The following INPP4B variants were observed in gnomAD, a reference collection of about 807,000 sequenced individuals.
The protein encoded by INPP4B is inositol polyphosphate-4-phosphatase type II B, also known as inositol polyphosphate 4-phosphatase type II.
Under a neutral mutation model 122.5 loss-of-function variants are expected in INPP4B, and 55 were observed. That is an observed-to-expected ratio of 0.45 (90% confidence interval 0.36 to 0.56). The LOEUF (loss-of-function observed/expected upper bound fraction) is 0.56, where lower values mean the gene tolerates loss of function less well. INPP4B is among the 20% of genes least tolerant of loss of function. INPP4B has a pLI of 0.00. For synonymous variants in INPP4B, 403 were observed against 388.7 expected, an observed-to-expected ratio of 1.04 and a Z score of -0.43; for missense variants, 1,000 against 1,097.7, an observed-to-expected ratio of 0.91 and a Z score of 1.26.
intron 3 of INPP4B, among the ~76,000 whole-genome samples, chr4:142,433,025 G>T (rs7694301): frequency 0.019 from 2,864 of 152,092 alleles, 101 homozygotes; most frequent in African/African-American, 0.065. Flanking sequence ...AAACTAATTC[G>T]CTAAGTGAAA....
At chr4:142,423,670 A>G (rs1349851478) in intron 5 of INPP4B, 2 of 276,776 alleles carry the variant, frequency 7.2e-6, no homozygotes, top group Non-Finnish European at 1.4e-5. Context: ...TAATCATTAA[A>G]CTCTAGGACG....
intron 25 of INPP4B, among the ~76,000 whole-genome samples, chr4:142,039,282 T>C (rs1745845327): frequency 1.3e-5 from 2 of 152,314 alleles, no homozygotes; most frequent in South Asian, 4.1e-4. Context: ...TCTAAAATTG[T>C]TCATGCTCAG....
chr4:142,448,700 G>C (rs1303863835), intron 3 of INPP4B, among the ~76,000 whole-genome samples: 1 of 152,138 alleles, frequency 6.6e-6, no homozygotes, highest in African/African-American at 2.4e-5. Flanking sequence ...AAACTACTTT[G>C]AAGGCTACCA....
chr4:142,211,202 A>G (rs994470630), intron 12 of INPP4B, among the ~76,000 whole-genome samples: 4 of 152,228 alleles, frequency 2.6e-5, no homozygotes, highest in Non-Finnish European at 5.9e-5. Context: ...AAAACATTGC[A>G]AAACAAAATG....
intron 2 of INPP4B, among the ~76,000 whole-genome samples, chr4:142,615,726 G>A (rs1743549969): frequency 6.6e-6 from 1 of 152,110 alleles, no homozygotes; most frequent in Non-Finnish European, 1.5e-5. Flanking sequence ...TGGGAATTCA[G>A]TTTTTAAGGT....
intron 1 of INPP4B, among the ~76,000 whole-genome samples, chr4:142,786,211 C>T (rs903066932): frequency 6.6e-6 from 1 of 152,006 alleles, no homozygotes; most frequent in Non-Finnish European, 1.5e-5. Context: ...CAAGAAATAT[C>T]CAAGATTAGG....
intron 2 of INPP4B, among the ~76,000 whole-genome samples, chr4:142,610,079 C>G (rs915056320): frequency 2.6e-5 from 4 of 152,058 alleles, no homozygotes; most frequent in African/African-American, 9.7e-5. Flanking sequence ...CCAAATCTCA[C>G]CTTGAATTGC....
intron 1 of INPP4B, among the ~76,000 whole-genome samples, chr4:142,788,311 A>C (rs1244325341): frequency 6.6e-6 from 1 of 152,138 alleles, no homozygotes; most frequent in East Asian, 1.9e-4. Flanking sequence ...AAGATTAAAA[A>C]ATGCTCATAT....
At chr4:142,138,549 A>T (rs112064478) in intron 18 of INPP4B, among the ~76,000 whole-genome samples, 446 of 152,130 alleles carry the variant, frequency 2.9e-3, no homozygotes, top group African/African-American at 0.01. Context: ...TAATAAAATT[A>T]AAAAAAATTA....
At chr4:142,420,188 T>C (rs1806573108) in intron 5 of INPP4B, among the ~76,000 whole-genome samples, 1 of 152,116 alleles carries the variant, frequency 6.6e-6, no homozygotes, top group Non-Finnish European at 1.5e-5. Context: ...AATTTAAGCC[T>C]GTGAAGTTAA....
rs548734513 is a variant in INPP4B, at chr4:142,088,242, C to T, written c.2375-1986G>A. Among the ~76,000 whole-genome samples the T allele has an allele frequency of 2.8e-4, 42 of 152,232 alleles. No individual in the cohort carries two copies. The South Asian group carries it at 8.7e-3, about 32-fold the overall frequency. On this transcript the variant is annotated intron_variant, in intron 23 of 25. Coordinates refer to ENST00000262992, the MANE Select transcript of INPP4B (RefSeq NM_001101669.3). Reference sequence around the variant, plus strand: ...ATCAGACCAGGACTTGGTGGCTAATCAAAGAAGGTAAGGACAATAAGGTTG... The same window carrying T: ...ATCAGACCAGGACTTGGTGGCTAATTAAAGAAGGTAAGGACAATAAGGTTG...
intron 1 of INPP4B, among the ~76,000 whole-genome samples, chr4:142,812,685 CT>C (rs1018640311): frequency 6.6e-6 from 1 of 151,912 alleles, no homozygotes; most frequent in East Asian, 1.9e-4. Flanking sequence ...CTTATTTATA[CT>C]TTTTTATAAC....
chr4:142,736,549 T>C (rs1766933253), intron 1 of INPP4B, among the ~76,000 whole-genome samples: 1 of 152,200 alleles, frequency 6.6e-6, no homozygotes, highest in South Asian at 2.1e-4. Context: ...TATTTTATTC[T>C]CTTTGAAGCA....
At chr4:142,407,854 G>A (rs1803762728) in intron 5 of INPP4B, among the ~76,000 whole-genome samples, 1 of 152,104 alleles carries the variant, frequency 6.6e-6, no homozygotes, top group African/African-American at 2.4e-5. Flanking sequence ...CAGGGTGGAA[G>A]TGAGGAAATT....
intron 23 of INPP4B, among the ~76,000 whole-genome samples, chr4:142,098,880 T>C (rs547973597): frequency 3.3e-5 from 5 of 152,090 alleles, no homozygotes; most frequent in African/African-American, 7.2e-5. Context: ...CTGTGTTCAA[T>C]TGGGGAGCAG....
At chr4:142,648,075 C>T (rs1415206628) in intron 2 of INPP4B, among the ~76,000 whole-genome samples, 1 of 152,236 alleles carries the variant, frequency 6.6e-6, no homozygotes, top group Non-Finnish European at 1.5e-5. Flanking sequence ...GAACTCACTG[C>T]TTCTCTTCAC....
At chr4:142,656,743 C>T (rs1354885689) in intron 2 of INPP4B, among the ~76,000 whole-genome samples, 2 of 152,190 alleles carry the variant, frequency 1.3e-5, no homozygotes, top group Non-Finnish European at 2.9e-5. Flanking sequence ...TTTTAAACTG[C>T]TTTTTTGTTC....
chr4:142,824,041 T>C (rs1781123821), intron 1 of INPP4B, among the ~76,000 whole-genome samples: 1 of 152,124 alleles, frequency 6.6e-6, no homozygotes, highest in Non-Finnish European at 1.5e-5. Flanking sequence ...TCTTTCTGCT[T>C]GAGCTGGGAC....
Position 142,294,764 on chromosome 4 carries a change from T to C in INPP4B, c.503+10694A>G, listed in dbSNP as rs540598352. Among the ~76,000 whole-genome samples, 170 of 132,066 alleles carry C rather than the reference T, an allele frequency of 1.3e-3. 2 individuals carry two copies. Among genetic ancestry groups the C allele is most frequent in the African/African-American group, 4.9e-3 (169 of 34,254 alleles). The allele number at this position is 132,066 out of a possible 152,430, so 86.6% of individuals were successfully genotyped here. ...AGAATAATGTGGGTAGAGATGAAAC[T>C]GAAAAAGCAGACTTGAGATCGTGCC... is the stretch of plus-strand genomic sequence containing the variant. On this transcript the variant is annotated intron_variant, in intron 9 of 25. Coordinates refer to ENST00000262992, the MANE Select transcript of INPP4B (RefSeq NM_001101669.3).
Sources: allele counts gnomAD v4.1 joint callset (sites outside exome capture counted in the v4.1 genomes callset), GRCh38; gene constraint gnomAD v4.1.1; transcripts MANE v1.5; gene names NCBI Gene and HGNC (gene_info 2026-07-23, HGNC 2026-07-21).